The following STXBP4 variants were observed in gnomAD, a reference collection of about 807,000 sequenced individuals.
STXBP4 encodes the protein syntaxin-binding protein 4.
STXBP4 carries 55 observed loss-of-function variants against 76.1 expected under a neutral mutation model. The ratio of observed to expected loss-of-function variants is 0.72; its 90% CI spans 0.58 to 0.91. STXBP4 has a LOEUF of 0.91. STXBP4 is among the 40% of genes least tolerant of loss of function. STXBP4 has a pLI of 0.00. For synonymous variants in STXBP4, 201 were observed against 220.2 expected, an observed-to-expected ratio of 0.91 and a Z score of 0.77; for missense variants, 618 against 636.9, an observed-to-expected ratio of 0.97 and a Z score of 0.32.
At chr17:54,984,999 C>T (rs1232082403) in intron 1 of STXBP4, among the ~76,000 whole-genome samples, 1 of 152,066 alleles carries the variant, frequency 6.6e-6, no homozygotes, top group Non-Finnish European at 1.5e-5. Flanking sequence ...ACTCTTTACC[C>T]TAAGACTTTC....
chr17:54,981,432 A>G (rs1205414428), intron 1 of STXBP4, among the ~76,000 whole-genome samples: 1 of 152,008 alleles, frequency 6.6e-6, no homozygotes, highest in East Asian at 1.9e-4. Flanking sequence ...AGACCCAAAC[A>G]CTTAAGAGAT....
At chr17:55,098,504 T>C (rs2079522947) in intron 16 of STXBP4, among the ~76,000 whole-genome samples, 1 of 152,140 alleles carries the variant, frequency 6.6e-6, no homozygotes, top group African/African-American at 2.4e-5. Context: ...AAACTAGATA[T>C]TCACAGGCAT....
At chr17:55,128,224 C>T (rs1052029266) in intron 16 of STXBP4, among the ~76,000 whole-genome samples, 5 of 152,118 alleles carry the variant, frequency 3.3e-5, no homozygotes, top group Admixed American at 2.6e-4. Flanking sequence ...GAATCTGGGT[C>T]CCATTATACC....
At chr17:55,141,284 A>G (rs1428408518) in intron 16 of STXBP4, 26 bp from the exon 17 acceptor site, 13 of 1,585,584 alleles carry the variant, frequency 8.2e-6, no homozygotes, top group Non-Finnish European at 1.1e-5. Context: ...CTTATTAAAT[A>G]TATTTTTGGT....
the STXBP4 span, among the ~76,000 whole-genome samples, chr17:55,210,286 G>A: frequency 2.0e-5 from 3 of 152,188 alleles, no homozygotes; most frequent in Admixed American, 6.5e-5. Context: ...GAGAAGTCTA[G>A]CTTATTAAGC....
intron 12 of STXBP4, among the ~76,000 whole-genome samples, chr17:55,070,364 G>C (rs60940178): frequency 4.6e-5 from 7 of 152,116 alleles, no homozygotes; most frequent in Admixed American, 4.6e-4. Context: ...GTGTGAAGTT[G>C]ATCTAGCTGT....
At chr17:55,001,821 A>G (rs1234505736) in intron 7 of STXBP4, among the ~76,000 whole-genome samples, 1 of 152,066 alleles carries the variant, frequency 6.6e-6, no homozygotes, top group African/African-American at 2.4e-5. Flanking sequence ...TTTAGTAGAG[A>G]TGGCGTTTCA....
chr17:55,151,423 A>AGGTAAGACTTT (rs2080216453), intron 17 of STXBP4, among the ~76,000 whole-genome samples: 1 of 152,202 alleles, frequency 6.6e-6, no homozygotes, highest in Admixed American at 6.5e-5. Flanking sequence ...TCCTGATGTA[A>AGGTAAGACTTT]AGTCTTACCC....
chr17:55,205,049 G>A, the STXBP4 span, among the ~76,000 whole-genome samples: 1 of 151,990 alleles, frequency 6.6e-6, no homozygotes, highest in African/African-American at 2.4e-5. Context: ...AGCTTGCCAT[G>A]GCCAGAAGTG....
At chr17:55,186,914 G>A in the STXBP4 span, among the ~76,000 whole-genome samples, 1 of 152,076 alleles carries the variant, frequency 6.6e-6, no homozygotes, top group Middle Eastern at 3.4e-3. Flanking sequence ...GCAAAACAAA[G>A]ATCCTCCAAA....
chr17:55,159,142 G>A (rs536808024), intron 17 of STXBP4, among the ~76,000 whole-genome samples: 5 of 152,266 alleles, frequency 3.3e-5, no homozygotes, highest in African/African-American at 1.2e-4. Context: ...CTACTTGGGA[G>A]GCTGAGGCAC....
intron 8 of STXBP4, among the ~76,000 whole-genome samples, chr17:55,011,293 T>C (rs192735250): frequency 6.6e-6 from 1 of 152,070 alleles, no homozygotes; most frequent in Admixed American, 6.5e-5. Flanking sequence ...CAAGAATGTA[T>C]GTATTATACA....
chr17:55,078,387 A>G lies in STXBP4; in HGVS notation c.1305+193A>G, dbSNP rs1052250347. 3.3e-5 allele frequency among the ~76,000 whole-genome samples: 5 copies of G among 152,334 alleles called. No homozygotes were observed. In the South Asian group the frequency reaches 8.3e-4, roughly 25 times the overall value. Reference sequence around the variant, plus strand: ...AACATTTTATAGATTGTTTAGAGAAATAATTGAGACAAGGTGATGGGATTC... The same window carrying G: ...AACATTTTATAGATTGTTTAGAGAAGTAATTGAGACAAGGTGATGGGATTC... On this transcript the variant is annotated intron_variant, in intron 14 of 17. Transcript: ENST00000376352.
At chr17:55,073,148 C>A in intron 13 of STXBP4, 72 bp downstream of exon 13, 1 of 1,419,918 alleles carries the variant, frequency 7.0e-7, no homozygotes, top group Non-Finnish European at 9.8e-7. Flanking sequence ...TTTTCATTTT[C>A]TTTTCATCTG....
intron 16 of STXBP4, among the ~76,000 whole-genome samples, chr17:55,097,722 C>A (rs949257608): frequency 2.0e-5 from 3 of 151,956 alleles, no homozygotes; most frequent in African/African-American, 7.2e-5. Flanking sequence ...TTAGTTCACA[C>A]CCTAATTCTA....
chr17:55,203,698 T>C, the STXBP4 span, among the ~76,000 whole-genome samples: 1 of 152,146 alleles, frequency 6.6e-6, no homozygotes, highest in Non-Finnish European at 1.5e-5. Flanking sequence ...ATAGAACTGA[T>C]TATTTCACAA....
rs541655195 is a variant in STXBP4 at position 55,053,198 on chromosome 17, T to C, written c.1011+6044T>C. 3.9e-5 allele frequency among the ~76,000 whole-genome samples: 6 copies of C among 152,122 alleles called. No individual in the cohort carries two copies. The South Asian group carries it at 1.2e-3, about 32-fold the overall frequency. ...AAATTCCTAAATTTGTTAACTGTAC[T>C]GTGGTTATATAAAAGAATATCCTTA... On this transcript the variant is annotated intron_variant, in intron 12 of 17. Coordinates refer to ENST00000376352, the MANE Select transcript of STXBP4 (RefSeq NM_178509.6).
At chr17:55,204,302 T>C in the STXBP4 span, among the ~76,000 whole-genome samples, 1 of 152,144 alleles carries the variant, frequency 6.6e-6, no homozygotes. Flanking sequence ...TCCAGTTCTC[T>C]GCTTAAATTC....
intron 7 of STXBP4, among the ~76,000 whole-genome samples, chr17:55,005,932 G>A (rs928934098): frequency 1.3e-5 from 2 of 151,750 alleles, no homozygotes; most frequent in African/African-American, 2.4e-5. Flanking sequence ...AAAATTATAT[G>A]TATGTATATA....
Sources: allele counts gnomAD v4.1 joint callset (sites outside exome capture counted in the v4.1 genomes callset), GRCh38; gene constraint gnomAD v4.1.1; transcripts MANE v1.5; gene names NCBI Gene and HGNC (gene_info 2026-07-23, HGNC 2026-07-21).